CDH4: variants seen among roughly 807,000 people sequenced by gnomAD.
CDH4 encodes cadherin-4.
CDH4 carries 33 observed loss-of-function variants against 86.0 expected under a neutral mutation model. That is an observed-to-expected ratio of 0.38 (90% CI 0.29 to 0.51). The LOEUF is 0.51. Ranked by LOEUF, CDH4 falls within the 20% of genes least tolerant of loss-of-function variation. The pLI is 0.86. For missense variants in CDH4, 1,114 were observed against 1,307.4 expected (o/e 0.85, Z 2.28); for synonymous variants, 555 against 549.4 (o/e 1.01, Z -0.14).
intron 4 of CDH4, among the ~76,000 whole-genome samples, chr20:61,782,774 T>A (rs572414837): frequency 2.1e-4 from 32 of 152,296 alleles, no homozygotes; most frequent in African/African-American, 7.5e-4. Context: ...TTTTCATTAG[T>A]TAAGTTAATC....
At chr20:61,636,178 G>A (rs141530146) in intron 2 of CDH4, among the ~76,000 whole-genome samples, 29 of 152,306 alleles carry the variant, frequency 1.9e-4, no homozygotes, top group Non-Finnish European at 3.5e-4. Flanking sequence ...GCTAATGGCC[G>A]TTGCTGAAAT....
chr20:61,677,703 G>A (rs1293542879), intron 2 of CDH4, among the ~76,000 whole-genome samples: 3 of 152,004 alleles, frequency 2.0e-5, no homozygotes, highest in African/African-American at 4.8e-5. Flanking sequence ...ACAGACGGAC[G>A]GATGGATGGA....
chr20:61,458,323 G>A (rs987119344), intron 2 of CDH4, among the ~76,000 whole-genome samples: 4 of 151,712 alleles, frequency 2.6e-5, no homozygotes, highest in African/African-American at 9.7e-5. Context: ...TGGTGGTGAT[G>A]GTCATGGTCA....
intron 2 of CDH4, among the ~76,000 whole-genome samples, chr20:61,554,726 TAC>T (rs1258429472): frequency 1.3e-5 from 2 of 152,276 alleles, no homozygotes; most frequent in African/African-American, 4.8e-5. Flanking sequence ...TTCCTGTGTG[TAC>T]ACACATGTAC....
At chr20:61,283,508 GT>G (rs2084275367) in intron 2 of CDH4, among the ~76,000 whole-genome samples, 1 of 131,622 alleles carries the variant, frequency 7.6e-6, no homozygotes, top group African/African-American at 2.8e-5. Flanking sequence ...TTGCACGCGT[GT>G]GCTGTGGTGT....
At chr20:61,822,874 C>T (rs537988954) in intron 4 of CDH4, among the ~76,000 whole-genome samples, 8 of 152,288 alleles carry the variant, frequency 5.3e-5, no homozygotes, top group African/African-American at 1.7e-4. Flanking sequence ...TCTGTGAACA[C>T]AGTATTGCCA....
intron 2 of CDH4, among the ~76,000 whole-genome samples, chr20:61,500,307 T>C (rs1458971088): frequency 6.6e-6 from 1 of 152,252 alleles, no homozygotes; most frequent in Non-Finnish European, 1.5e-5. Flanking sequence ...ACGTGCACAA[T>C]GATCACCAAT....
intron 9 of CDH4, among the ~76,000 whole-genome samples, chr20:61,921,520 G>A (rs934143500): frequency 6.6e-6 from 1 of 152,262 alleles, no homozygotes; most frequent in African/African-American, 2.4e-5. Flanking sequence ...GGGAGGCCGA[G>A]GCAGGCGGAT....
At chr20:61,821,622 A>T (rs1205647394) in intron 4 of CDH4, among the ~76,000 whole-genome samples, 2 of 152,238 alleles carry the variant, frequency 1.3e-5, no homozygotes, top group Non-Finnish European at 2.9e-5. Flanking sequence ...GACGCAGTTA[A>T]GGAGATGTCA....
intron 3 of CDH4, among the ~76,000 whole-genome samples, chr20:61,745,070 T>C (rs1184222495): frequency 6.6e-6 from 1 of 152,168 alleles, no homozygotes; most frequent in Non-Finnish European, 1.5e-5. Flanking sequence ...ACATGAGGCC[T>C]CTATGGGGTC....
chr20:61,609,497 G>GT (rs1224815623), intron 2 of CDH4, among the ~76,000 whole-genome samples: 1 of 152,170 alleles, frequency 6.6e-6, no homozygotes, highest in East Asian at 1.9e-4. Context: ...TCCTTCCCAA[G>GT]TTGAAACAAA....
intron 2 of CDH4, among the ~76,000 whole-genome samples, chr20:61,715,967 C>G (rs1302906262): frequency 6.6e-6 from 1 of 152,244 alleles, no homozygotes; most frequent in Non-Finnish European, 1.5e-5. Flanking sequence ...TTCCACAGCC[C>G]CCTCTGGGCT....
At chr20:61,818,744 G>A (rs558455339) in intron 4 of CDH4, among the ~76,000 whole-genome samples, 1 of 151,762 alleles carries the variant, frequency 6.6e-6, no homozygotes, top group South Asian at 2.1e-4. Flanking sequence ...GGGCCTAGGA[G>A]TGTTTCAGGC....
chr20:61,865,800 T>C (rs948635017), intron 6 of CDH4, among the ~76,000 whole-genome samples: 5 of 151,672 alleles, frequency 3.3e-5, no homozygotes, highest in Non-Finnish European at 5.9e-5. Context: ...AGCTAGTTAG[T>C]GTAGATGATA....
rs6089462 is a variant in CDH4, at chr20:61,668,480, G to A, written c.170-75083G>A. ...TGTGGAACCAGCTGCCCCTGCTGGA[G>A]GCTGTCGTGGGGCGTGCTCACCACT... On this transcript the variant is annotated intron_variant, in intron 2 of 15. Coordinates refer to ENST00000614565, the MANE Select transcript of CDH4 (RefSeq NM_001794.5). Among the ~76,000 whole-genome samples the A allele has an allele frequency of 1.2e-3, 190 of 152,350 alleles. 4 individuals are homozygous for A. The East Asian group carries it at 0.024, about 19-fold the overall frequency.
intron 2 of CDH4, among the ~76,000 whole-genome samples, chr20:61,680,229 G>A (rs559273561): frequency 4.6e-5 from 7 of 152,340 alleles, no homozygotes; most frequent in African/African-American, 1.7e-4. Flanking sequence ...GAGCCCTGCA[G>A]CCCTGGCTCT....
At chr20:61,505,289 G>A (rs1238863277) in intron 2 of CDH4, among the ~76,000 whole-genome samples, 1 of 152,206 alleles carries the variant, frequency 6.6e-6, no homozygotes. Context: ...TGTCTAGAGG[G>A]TGGAAAGGAA....
At chr20:61,431,113 C>T (rs1342380628) in intron 2 of CDH4, among the ~76,000 whole-genome samples, 1 of 152,232 alleles carries the variant, frequency 6.6e-6, no homozygotes, top group Non-Finnish European at 1.5e-5. Flanking sequence ...GCAGCACGCA[C>T]AGATCCACCC....
chr20:61,632,226 G>A (rs533346798), intron 2 of CDH4, among the ~76,000 whole-genome samples: 1 of 152,358 alleles, frequency 6.6e-6, no homozygotes, highest in African/African-American at 2.4e-5. Flanking sequence ...TTCAGTGCAG[G>A]CTGTGAAGGA....
Sources: allele counts gnomAD v4.1 joint callset (sites outside exome capture counted in the v4.1 genomes callset), GRCh38; gene constraint gnomAD v4.1.1; transcripts MANE v1.5; gene names NCBI Gene and HGNC (gene_info 2026-07-23, HGNC 2026-07-21).